Variants in DPP10 observed in about 807,000 individuals in gnomAD.
The protein encoded by DPP10 is dipeptidyl peptidase like 10.
Under a neutral mutation model 120.9 loss-of-function variants are expected in DPP10, and 33 were observed. That is an observed-to-expected ratio of 0.27 (90% CI 0.21 to 0.37). The LOEUF is 0.37. Ranked by LOEUF, DPP10 falls within the 10% of genes least tolerant of loss-of-function variation. The probability of loss-of-function intolerance (pLI) is 1.00; values close to 1 mark genes in which losing one functional copy is unlikely to be tolerated. For missense variants in DPP10, 816 were observed against 942.8 expected, an observed-to-expected ratio of 0.87 and a Z score of 1.76; for synonymous variants, 337 against 326.1, an observed-to-expected ratio of 1.03 and a Z score of -0.36.
chr2:115,056,118 A>G (rs1383042239), intron 1 of DPP10, among the ~76,000 whole-genome samples: 2 of 152,244 alleles, frequency 1.3e-5, no homozygotes, highest in Admixed American at 6.5e-5. Flanking sequence ...TTGTTTCTGT[A>G]TATGACTGTC....
rs1208377354 is a variant in DPP10, at chr2:114,525,136, C to G, written c.60+82298C>G. On this transcript the variant is annotated intron_variant, in intron 1 of 25. Transcript: ENST00000410059. ...CTTTCTAAGCCTCCAGAAACTGTAT[C>G]CTATGTTCCTTTATATTGTATTAGA... Among the ~76,000 whole-genome samples the G allele has an allele frequency of 3.3e-5, 5 of 152,222 alleles. No homozygotes were observed. In the East Asian group the frequency reaches 7.7e-4, roughly 24 times the overall value.
At chr2:115,757,122 G>A (rs1679511264) in intron 11 of DPP10, among the ~76,000 whole-genome samples, 2 of 151,910 alleles carry the variant, frequency 1.3e-5, no homozygotes, top group South Asian at 4.1e-4. Context: ...TCTTTCTAAG[G>A]AGTATATGAT....
At chr2:115,219,004 C>T (rs991769826) in intron 1 of DPP10, among the ~76,000 whole-genome samples, 1 of 152,024 alleles carries the variant, frequency 6.6e-6, no homozygotes, top group East Asian at 1.9e-4. Flanking sequence ...TTATTACACC[C>T]TACAACTTTT....
intron 1 of DPP10, among the ~76,000 whole-genome samples, chr2:114,999,324 C>T (rs1045331610): frequency 1.3e-5 from 2 of 152,072 alleles, no homozygotes; most frequent in Non-Finnish European, 2.9e-5. Flanking sequence ...ATCTCTCTCC[C>T]GGATTACTTC....
chr2:115,127,472 T>C (rs890793681), intron 1 of DPP10, among the ~76,000 whole-genome samples: 1 of 152,190 alleles, frequency 6.6e-6, no homozygotes, highest in Non-Finnish European at 1.5e-5. Flanking sequence ...TACCATACAC[T>C]GAAACCTAGA....
At chr2:115,537,523 C>G (rs1377928270) in intron 5 of DPP10, among the ~76,000 whole-genome samples, 2 of 147,918 alleles carry the variant, frequency 1.4e-5, no homozygotes, top group Non-Finnish European at 3.0e-5. Context: ...TGGAAGAAAA[C>G]ATAGTTATTG....
At chr2:115,172,402 A>G (rs1373333967) in intron 1 of DPP10, among the ~76,000 whole-genome samples, 2 of 151,744 alleles carry the variant, frequency 1.3e-5, no homozygotes, top group Non-Finnish European at 2.9e-5. Flanking sequence ...AAAAAAAGCT[A>G]TTTCCAGAAG....
chr2:115,313,913 G>A (rs556158681), intron 2 of DPP10, among the ~76,000 whole-genome samples: 2 of 152,206 alleles, frequency 1.3e-5, no homozygotes, highest in Admixed American at 6.5e-5. Flanking sequence ...TTTGTTTAAA[G>A]AGAAGGAGTT....
At chr2:115,382,940 A>G (rs931424816) in intron 3 of DPP10, among the ~76,000 whole-genome samples, 3 of 152,236 alleles carry the variant, frequency 2.0e-5, no homozygotes. Context: ...CTACTCTGCC[A>G]CAGCATTTTT....
At chr2:115,139,985 AG>A (rs1464066872) in intron 1 of DPP10, among the ~76,000 whole-genome samples, 1 of 152,140 alleles carries the variant, frequency 6.6e-6, no homozygotes, top group African/African-American at 2.4e-5. Flanking sequence ...CTGCCCCATA[AG>A]GGGCAAACAC....
In DPP10 at chr2:114,617,772, T is replaced by C. The variant is rs191582655; in HGVS notation, c.60+174934T>C. Among the ~76,000 whole-genome samples the C allele has an allele frequency of 7.5e-4, 114 of 152,296 alleles. 1 individual carries two copies. Among genetic ancestry groups the C allele is most frequent in the Non-Finnish European group, 6.3e-4 (43 of 68,016 alleles). ...CCATTAAAGATGATAGAAAGGACTT[T>C]CTTTTCATTATTTGCTATTACATTA... On this transcript the variant is annotated intron_variant, in intron 1 of 25. Transcript: ENST00000410059.
chr2:114,778,847 A>G (rs1331733137), intron 1 of DPP10, among the ~76,000 whole-genome samples: 2 of 152,126 alleles, frequency 1.3e-5, no homozygotes, highest in African/African-American at 2.4e-5. Flanking sequence ...GGGTTCTAGC[A>G]TATTACAATA....
intron 1 of DPP10, among the ~76,000 whole-genome samples, chr2:114,580,575 G>A (rs1270295891): frequency 6.6e-6 from 1 of 152,144 alleles, no homozygotes; most frequent in African/African-American, 2.4e-5. Context: ...GAAATCTCTG[G>A]ATAATAAAAC....
chr2:114,541,354 T>C (rs1835328), intron 1 of DPP10, among the ~76,000 whole-genome samples: 79,924 of 151,952 alleles, frequency 0.53, 21,708 homozygotes, highest in Non-Finnish European at 0.6. Flanking sequence ...AGGTGACTCT[T>C]GGACAGCCAA....
intron 3 of DPP10, among the ~76,000 whole-genome samples, chr2:115,453,470 A>T (rs1043698590): frequency 6.6e-6 from 1 of 151,598 alleles, no homozygotes; most frequent in African/African-American, 2.4e-5. Context: ...CTCTGGCAAA[A>T]ATAGAATTAA....
At chr2:115,402,618 T>C (rs930444985) in intron 3 of DPP10, among the ~76,000 whole-genome samples, 29 of 147,746 alleles carry the variant, frequency 2.0e-4, no homozygotes, top group Admixed American at 4.1e-4. Flanking sequence ...AGAGCAATAA[T>C]GAACACAGAG....
chr2:115,433,278 TG>T (rs1226794877), intron 3 of DPP10, among the ~76,000 whole-genome samples: 2 of 152,112 alleles, frequency 1.3e-5, no homozygotes, highest in Non-Finnish European at 2.9e-5. Context: ...ATCAATATTA[TG>T]GATTGTGATT....
chr2:114,993,639 T>G (rs114762785), intron 1 of DPP10, among the ~76,000 whole-genome samples: 1,578 of 144,676 alleles, frequency 0.011, 24 homozygotes, highest in African/African-American at 0.037. Flanking sequence ...CATCCAATGC[T>G]TTTTACATAA....
At chr2:114,847,179 T>G (rs1017324533) in intron 1 of DPP10, among the ~76,000 whole-genome samples, 1 of 152,120 alleles carries the variant, frequency 6.6e-6, no homozygotes, top group African/African-American at 2.4e-5. Flanking sequence ...TGGGTCAGTA[T>G]CTCAATTCTT....
Sources: allele counts gnomAD v4.1 joint callset (sites outside exome capture counted in the v4.1 genomes callset), GRCh38; gene constraint gnomAD v4.1.1; transcripts MANE v1.5; gene names NCBI Gene and HGNC (gene_info 2026-07-23, HGNC 2026-07-21).